CLSTN2: variants seen among roughly 807,000 people sequenced by gnomAD.
CLSTN2 encodes the protein calsyntenin-2.
A neutral mutation model predicts 101.2 loss-of-function variants in CLSTN2; 48 were observed. The observed-to-expected ratio is 0.47, with a 90% CI of 0.38 to 0.60. The LOEUF (loss-of-function observed/expected upper bound fraction) is 0.60, where lower values mean the gene tolerates loss of function less well. CLSTN2 is among the 20% of genes least tolerant of loss of function. CLSTN2 has a pLI of 0.00. For synonymous variants in CLSTN2, 481 were observed against 463.6 expected (o/e 1.04, Z -0.48); for missense variants, 1,160 against 1,238.2 (o/e 0.94, Z 0.95).
At chr3:140,487,293 T>C (rs1396487573) in intron 8 of CLSTN2, among the ~76,000 whole-genome samples, 2 of 152,238 alleles carry the variant, frequency 1.3e-5, no homozygotes, top group Non-Finnish European at 2.9e-5. Context: ...GAGTCTCCCA[T>C]ATTTATTTGG....
At chr3:140,535,140 G>A (rs1404506924) in intron 9 of CLSTN2, among the ~76,000 whole-genome samples, 2 of 152,224 alleles carry the variant, frequency 1.3e-5, no homozygotes, top group African/African-American at 4.8e-5. Flanking sequence ...ATCTGCATAT[G>A]TGCACGTGCA....
At chr3:139,955,694 T>C (rs1935382205) in intron 1 of CLSTN2, among the ~76,000 whole-genome samples, 1 of 152,294 alleles carries the variant, frequency 6.6e-6, no homozygotes, top group Non-Finnish European at 1.5e-5. Flanking sequence ...TCATCTCAGA[T>C]GTGCCTCTCA....
intron 1 of CLSTN2, among the ~76,000 whole-genome samples, chr3:140,127,853 G>A (rs927922205): frequency 1.3e-5 from 2 of 152,098 alleles, no homozygotes; most frequent in East Asian, 3.8e-4. Flanking sequence ...TTTCTCCTAT[G>A]TTATTTATGA....
At chr3:140,364,782 AATTT>A (rs2087768148) in intron 2 of CLSTN2, among the ~76,000 whole-genome samples, 1 of 152,250 alleles carries the variant, frequency 6.6e-6, no homozygotes, top group African/African-American at 2.4e-5. Flanking sequence ...GCCACAGGGA[AATTT>A]ATTCATTCAT....
At chr3:140,191,147 A>G (rs2010561114) in intron 2 of CLSTN2, among the ~76,000 whole-genome samples, 1 of 152,018 alleles carries the variant, frequency 6.6e-6, no homozygotes, top group Non-Finnish European at 1.5e-5. Flanking sequence ...GATTTTGTCA[A>G]ATACTTATTT....
intron 8 of CLSTN2, among the ~76,000 whole-genome samples, chr3:140,501,644 G>C (rs1372053430): frequency 6.7e-6 from 1 of 150,214 alleles, no homozygotes; most frequent in Non-Finnish European, 1.5e-5. Flanking sequence ...TGTTTCCCAA[G>C]GCCCTCCCCC....
At chr3:140,515,308 C>A (rs1383459616) in intron 8 of CLSTN2, among the ~76,000 whole-genome samples, 1 of 152,012 alleles carries the variant, frequency 6.6e-6, no homozygotes, top group African/African-American at 2.4e-5. Context: ...CCCCAAAGAA[C>A]CAGCTTTTGG....
chr3:140,408,801 A>T (rs559931950), intron 4 of CLSTN2, among the ~76,000 whole-genome samples: 7 of 152,196 alleles, frequency 4.6e-5, no homozygotes, highest in Non-Finnish European at 8.8e-5. Flanking sequence ...TGTCACAACC[A>T]TGTGTGTACC....
At chr3:140,420,815 G>A (rs550017707) in intron 4 of CLSTN2, among the ~76,000 whole-genome samples, 1 of 152,320 alleles carries the variant, frequency 6.6e-6, no homozygotes, top group South Asian at 2.1e-4. Flanking sequence ...TGTACTTCAG[G>A]AGGAAGTCTT....
At chr3:140,338,596 G>A (rs114444431) in intron 2 of CLSTN2, among the ~76,000 whole-genome samples, 1,543 of 152,192 alleles carry the variant, frequency 0.01, 29 homozygotes, top group African/African-American at 0.033. Context: ...CTCAGTGAAC[G>A]GTGCACTCAG....
intron 2 of CLSTN2, among the ~76,000 whole-genome samples, chr3:140,371,568 G>T (rs1346261012): frequency 6.6e-6 from 1 of 152,098 alleles, no homozygotes; most frequent in African/African-American, 2.4e-5. Flanking sequence ...GGGCATGTTG[G>T]GTCTCAGTCC....
At position 140,147,614 on chromosome 3, in the gene CLSTN2, T is replaced by A. The variant is rs76491814; in HGVS notation, c.110-28337T>A. Among the ~76,000 whole-genome samples, 1,107 of 152,222 alleles carry A rather than the reference T, an allele frequency of 7.3e-3. 12 individuals are homozygous for A. The highest frequency in any genetic ancestry group is 0.025 in the African/African-American group (1,055 of 41,532). ...TTTTCATTGAACAATGAATATTAAT[T>A]GAGAATTAGGGTGGTGGGGTAGATC... On this transcript the variant is annotated intron_variant, in intron 1 of 16. Coordinates refer to ENST00000458420, the MANE Select transcript of CLSTN2 (RefSeq NM_022131.3).
chr3:139,998,336 C>CTTTTTTTTTTTTTTTT (rs60541490), intron 1 of CLSTN2, among the ~76,000 whole-genome samples: 975 of 66,786 alleles, frequency 0.015, 220 homozygotes, highest in East Asian at 0.15. Flanking sequence ...CCCCACATGC[C>CTTTTTTTTTTTTTTTT]TTTTTTTTTT....
At chr3:140,232,660 A>G (rs1057156342) in intron 2 of CLSTN2, among the ~76,000 whole-genome samples, 1 of 152,140 alleles carries the variant, frequency 6.6e-6, no homozygotes, top group Non-Finnish European at 1.5e-5. Flanking sequence ...CAAAGTCAGC[A>G]TGTCTAAGAC....
At chr3:139,961,017 A>C (rs1935498652) in intron 1 of CLSTN2, among the ~76,000 whole-genome samples, 1 of 152,206 alleles carries the variant, frequency 6.6e-6, no homozygotes, top group African/African-American at 2.4e-5. Flanking sequence ...AATCACTCAC[A>C]AAAATTTACC....
At chr3:140,508,242 G>C (rs1193943955) in intron 8 of CLSTN2, 2 of 136,402 alleles carry the variant, frequency 1.5e-5, no homozygotes, top group African/African-American at 7.3e-5. Context: ...TGGACAGACG[G>C]CACTGCTGAG....
intron 1 of CLSTN2, among the ~76,000 whole-genome samples, chr3:140,038,343 C>T (rs1307061881): frequency 1.3e-5 from 2 of 151,976 alleles, no homozygotes; most frequent in Non-Finnish European, 2.9e-5. Context: ...ACATGAGTGT[C>T]TTTTTTTGAT....
chr3:140,400,170 G>A (rs1446921269), intron 2 of CLSTN2, among the ~76,000 whole-genome samples: 2 of 152,164 alleles, frequency 1.3e-5, no homozygotes, highest in African/African-American at 2.4e-5. Context: ...GTGGCCTCTT[G>A]GGGAGGTCAG....
chr3:140,226,232 G>C (rs956997111), intron 2 of CLSTN2, among the ~76,000 whole-genome samples: 1 of 152,162 alleles, frequency 6.6e-6, no homozygotes, highest in Non-Finnish European at 1.5e-5. Context: ...GGGATGGGAG[G>C]GAAGTAGATG....
Sources: gnomAD v4.1 joint callset for allele counts (sites outside exome capture counted in the v4.1 genomes callset) on GRCh38, gnomAD v4.1.1 for gene constraint, MANE v1.5 for transcripts, NCBI Gene and HGNC (gene_info 2026-07-23, HGNC 2026-07-21) for gene names.